The following ST7 variants were observed in gnomAD, a reference collection of about 807,000 sequenced individuals.
The protein encoded by ST7 is suppression of tumorigenicity 7.
In ST7, 28 loss-of-function variants were observed where a neutral mutation model predicts 78.7. That is an observed-to-expected ratio of 0.36 (90% CI 0.26 to 0.49). The LOEUF (loss-of-function observed/expected upper bound fraction) is 0.49. Among genes scored for constraint, ST7 ranks in the 20% least tolerant of loss-of-function variants. The pLI is 0.99. For missense variants in ST7, 418 were observed against 696.0 expected (o/e 0.60, Z 4.49); for synonymous variants, 247 against 249.6 (o/e 0.99, Z 0.10).
chr7:117,059,652 A>G (rs754403295), intron 1 of ST7, among the ~76,000 whole-genome samples: 8 of 151,902 alleles, frequency 5.3e-5, no homozygotes, highest in Non-Finnish European at 1.0e-4. Context: ...GCTTCTGGTC[A>G]GAAGTACTGT....
chr7:117,005,031 T>C (rs1335436387), intron 1 of ST7, among the ~76,000 whole-genome samples: 4 of 152,216 alleles, frequency 2.6e-5, no homozygotes, highest in South Asian at 4.1e-4. Flanking sequence ...TACTGCATAA[T>C]GCCTAGAAGT....
intron 1 of ST7, among the ~76,000 whole-genome samples, chr7:116,993,266 A>G (rs534434437): frequency 1.3e-5 from 2 of 152,372 alleles, no homozygotes; most frequent in Non-Finnish European, 2.9e-5. Context: ...GGCTGGGAAG[A>G]AAAAGAAGTT....
intron 1 of ST7, among the ~76,000 whole-genome samples, chr7:116,979,660 T>G (rs920563153): frequency 6.6e-6 from 1 of 152,222 alleles, no homozygotes; most frequent in Admixed American, 6.5e-5. Flanking sequence ...TCAACACTTA[T>G]AATCTTATTA....
rs368923996 is a variant in ST7, at chr7:117,186,711, T to G, written c.1079-2610T>G. 1.9e-4 allele frequency among the ~76,000 whole-genome samples: 29 copies of G among 152,338 alleles called. No individual in the cohort carries two copies. The East Asian group carries it at 2.9e-3, about 15-fold the overall frequency. On this transcript the variant is annotated intron_variant, in intron 10 of 15. Transcript: ENST00000323984. ...TATTAAAGCATACTTTTTATAAACT[T>G]ATTGATATGTGCACAATACATTTCC...
chr7:117,045,474 G>A (rs955564847), intron 1 of ST7, among the ~76,000 whole-genome samples: 8 of 151,980 alleles, frequency 5.3e-5, no homozygotes, highest in African/African-American at 1.7e-4. Context: ...ATATCTGCAT[G>A]GCTCACTCCC....
Position 117,170,931 on chromosome 7 carries a change from C to G in ST7, c.1033C>G (p.Leu345Val). Residue 345 changes from leucine (L) to valine (V), a missense_variant, in exon 10 of 16, where the codon CTA becomes GTA. Coordinates refer to ENST00000323984, the MANE Select transcript of ST7 (RefSeq NM_001369598.1). ...AAACCTTTTAGAAGCCCTTCTGGAA[C>G]TACAAGCATATGCTGATGTTCAGGC... ...HENLLEALLE[L>V]QAYADVQAVL... The G allele has an allele frequency of 6.2e-7, 1 of 1,612,396 alleles. No homozygotes were observed. Among genetic ancestry groups the G allele is most frequent in the Non-Finnish European group, 8.5e-7 (1 of 1,179,000 alleles).
chr7:117,038,464 A>T (rs1341927168), intron 1 of ST7, among the ~76,000 whole-genome samples: 1 of 152,226 alleles, frequency 6.6e-6, no homozygotes, highest in African/African-American at 2.4e-5. Flanking sequence ...AAAAAGAAGG[A>T]TCTGAGCTAT....
intron 12 of ST7, among the ~76,000 whole-genome samples, chr7:117,199,540 C>G (rs894962799): frequency 6.6e-6 from 1 of 152,190 alleles, no homozygotes; most frequent in African/African-American, 2.4e-5. Flanking sequence ...ATCCCTGCAA[C>G]TTTACTTCAT....
chr7:116,953,686 G>T lies in ST7; in HGVS notation c.146G>T (p.Ser49Ile). Residue 49 changes from serine (S) to isoleucine (I), a missense_variant, in exon 1 of 16, where the codon AGC (serine) becomes ATC (isoleucine). Coordinates refer to ENST00000323984, the MANE Select transcript of ST7 (RefSeq NM_001369598.1). ...CCTTTGAAAATCAACGACAACTTGAGCACAGGTAAGGCCTGGGAGCCGGGC... is the reference window on the plus strand; with the variant it reads ...CCTTTGAAAATCAACGACAACTTGATCACAGGTAAGGCCTGGGAGCCGGGC... The part of the protein sequence containing the change: ...RVPLKINDNL[S>I]TVSMFLNTLT... The T allele has an allele frequency of 6.7e-7, 1 of 1,488,068 alleles. No individual in the cohort carries two copies. The highest frequency in any genetic ancestry group is 9.1e-7 in the Non-Finnish European group (1 of 1,104,394). 92.2% of individuals were successfully genotyped at this position (1,488,068 alleles called of 1,614,324 possible).
chr7:117,123,735 T>G (rs1033615771), intron 3 of ST7, among the ~76,000 whole-genome samples: 2 of 152,178 alleles, frequency 1.3e-5, no homozygotes, highest in African/African-American at 4.8e-5. Flanking sequence ...TTTGAGTTTA[T>G]AGGAACATCT....
intron 1 of ST7, among the ~76,000 whole-genome samples, chr7:117,097,880 CTA>C (rs373598650): frequency 4.2e-3 from 45 of 10,604 alleles, no homozygotes; most frequent in Non-Finnish European, 7.1e-3. Flanking sequence ...TGACATATCA[CTA>C]TATATATATA....
chr7:117,004,268 T>C (rs1311973810), intron 1 of ST7, among the ~76,000 whole-genome samples: 1 of 152,194 alleles, frequency 6.6e-6, no homozygotes. Flanking sequence ...GAGATGTAAG[T>C]TGATAGCTAC....
chr7:116,988,831 T>C lies in ST7; in HGVS notation c.151+35140T>C, dbSNP rs1250401067. 2.6e-5 allele frequency among the ~76,000 whole-genome samples: 4 copies of C among 152,360 alleles called. No homozygotes were observed. The East Asian group carries it at 5.8e-4, about 22-fold the overall frequency. ...ACTGAACTTCCAAAATGCACACTTT[T>C]AACATGACAGACTTGGACACTAATG... On this transcript the variant is annotated intron_variant, in intron 1 of 15. Coordinates refer to ENST00000323984, the MANE Select transcript of ST7 (RefSeq NM_001369598.1).
intron 1 of ST7, among the ~76,000 whole-genome samples, chr7:117,005,262 T>G (rs1563006560): frequency 1.3e-5 from 2 of 152,206 alleles, no homozygotes; most frequent in Non-Finnish European, 2.9e-5. Flanking sequence ...TATGTATCAC[T>G]TCTTGTGACT....
At chr7:117,116,731 A>G (rs1383012789) in intron 2 of ST7, among the ~76,000 whole-genome samples, 1 of 152,168 alleles carries the variant, frequency 6.6e-6, no homozygotes, top group Non-Finnish European at 1.5e-5. Flanking sequence ...GACAGACCTG[A>G]GAAGGCCCTC....
chr7:117,228,468 C>A (rs1793585925), intron 15 of ST7, among the ~76,000 whole-genome samples: 1 of 152,160 alleles, frequency 6.6e-6, no homozygotes, highest in African/African-American at 2.4e-5. Context: ...GGAGAAGGAT[C>A]CCAAATTTTA....
At chr7:116,963,411 A>G (rs548483515) in intron 1 of ST7, among the ~76,000 whole-genome samples, 1 of 152,166 alleles carries the variant, frequency 6.6e-6, no homozygotes, top group Non-Finnish European at 1.5e-5. Context: ...TATACTACCT[A>G]CTGTGCTAAA....
At chr7:117,141,815 G>T (rs541590918) in intron 9 of ST7, among the ~76,000 whole-genome samples, 111 of 152,060 alleles carry the variant, frequency 7.3e-4, no homozygotes, top group African/African-American at 2.5e-3. Context: ...GACTGCAGGC[G>T]CACACCATCA....
chr7:117,047,334 T>A (rs1254316124), intron 1 of ST7, among the ~76,000 whole-genome samples: 3 of 152,204 alleles, frequency 2.0e-5, no homozygotes, highest in Non-Finnish European at 4.4e-5. Flanking sequence ...GGGAATTGTG[T>A]GTTTCTTCAG....
Sources: gnomAD v4.1 joint callset for allele counts (sites outside exome capture counted in the v4.1 genomes callset) on GRCh38, gnomAD v4.1.1 for gene constraint, MANE v1.5 for transcripts, NCBI Gene and HGNC (gene_info 2026-07-23, HGNC 2026-07-21) for gene names.